EXOC6B: variants seen among roughly 807,000 people sequenced by gnomAD.
The protein encoded by EXOC6B is SEC15 homolog B.
EXOC6B carries 54 observed loss-of-function variants against 113.5 expected under a neutral mutation model. That is an observed-to-expected ratio of 0.48 (90% CI 0.38 to 0.60). The LOEUF (loss-of-function observed/expected upper bound fraction) is 0.60. EXOC6B is among the 20% of genes least tolerant of loss of function. The pLI, the probability that EXOC6B is intolerant of heterozygous loss-of-function variation, is 0.00. For missense variants in EXOC6B, 797 were observed against 977.5 expected, an observed-to-expected ratio of 0.82 and a Z score of 2.46; for synonymous variants, 357 against 339.0, an observed-to-expected ratio of 1.05 and a Z score of -0.58.
chr2:72,688,372 A>C (rs1281411587), intron 6 of EXOC6B, among the ~76,000 whole-genome samples: 4 of 152,224 alleles, frequency 2.6e-5, no homozygotes, highest in African/African-American at 9.6e-5. Flanking sequence ...ATATGTTATC[A>C]AGCAAGTTAG....
chr2:72,271,856 A>C (rs1470852908), intron 20 of EXOC6B, among the ~76,000 whole-genome samples: 1 of 152,062 alleles, frequency 6.6e-6, no homozygotes, highest in Non-Finnish European at 1.5e-5. Context: ...GGAAAAAAAA[A>C]ATGCTGAAAG....
At chr2:72,677,974 G>C (rs1248490585) in intron 6 of EXOC6B, among the ~76,000 whole-genome samples, 1 of 152,008 alleles carries the variant, frequency 6.6e-6, no homozygotes, top group Non-Finnish European at 1.5e-5. Context: ...TGACAATAGA[G>C]GATTGCTAGA....
At chr2:72,702,250 C>T (rs1239641546) in intron 6 of EXOC6B, among the ~76,000 whole-genome samples, 1 of 151,274 alleles carries the variant, frequency 6.6e-6, no homozygotes, top group East Asian at 1.9e-4. Context: ...AGGACATGAA[C>T]TCATCATTTT....
chr2:72,757,298 A>G (rs1024596381), intron 1 of EXOC6B, among the ~76,000 whole-genome samples: 2 of 152,234 alleles, frequency 1.3e-5, no homozygotes, highest in African/African-American at 4.8e-5. Flanking sequence ...ACTTATGTCA[A>G]AACTTTAACC....
chr2:72,417,517 T>C (rs908669523), intron 18 of EXOC6B, among the ~76,000 whole-genome samples: 3 of 152,226 alleles, frequency 2.0e-5, no homozygotes, highest in African/African-American at 7.2e-5. Context: ...GCCTCATTTT[T>C]CTACTGCTTA....
At chr2:72,423,679 G>C (rs1390441350) in intron 18 of EXOC6B, among the ~76,000 whole-genome samples, 1 of 152,030 alleles carries the variant, frequency 6.6e-6, no homozygotes, top group Non-Finnish European at 1.5e-5. Context: ...AACAATCTTT[G>C]TTTTGTCCTA....
intron 6 of EXOC6B, among the ~76,000 whole-genome samples, chr2:72,687,246 A>C (rs1437608690): frequency 5.3e-5 from 8 of 152,326 alleles, no homozygotes; most frequent in South Asian, 2.1e-4. Context: ...TAATTACTTG[A>C]AATATTTTTC....
intron 6 of EXOC6B, among the ~76,000 whole-genome samples, chr2:72,618,250 T>G (rs1255232642): frequency 6.6e-6 from 1 of 152,034 alleles, no homozygotes; most frequent in African/African-American, 2.4e-5. Context: ...ATGCCTGTAA[T>G]CTCAGCCACT....
chr2:72,579,456 TA>T (rs1307024486), intron 6 of EXOC6B, among the ~76,000 whole-genome samples: 9 of 152,060 alleles, frequency 5.9e-5, no homozygotes, highest in African/African-American at 2.2e-4. Flanking sequence ...AGGCAACAGG[TA>T]ACAAAAGGGA....
chr2:72,463,498 G>C (rs1366370505), intron 18 of EXOC6B: 2 of 151,956 alleles, frequency 1.3e-5, no homozygotes, highest in Non-Finnish European at 2.9e-5. Flanking sequence ...CGTAGACAAG[G>C]GCAACAGACT....
At chr2:72,288,388 A>G (rs1306757896) in intron 20 of EXOC6B, among the ~76,000 whole-genome samples, 1 of 152,166 alleles carries the variant, frequency 6.6e-6, no homozygotes, top group Non-Finnish European at 1.5e-5. Flanking sequence ...CAGCAGCACT[A>G]TTTGTAAAAA....
intron 20 of EXOC6B, among the ~76,000 whole-genome samples, chr2:72,282,811 A>T (rs567030304): frequency 6.6e-6 from 1 of 152,276 alleles, no homozygotes; most frequent in Non-Finnish European, 1.5e-5. Flanking sequence ...AAGAAGCATT[A>T]AAAAAGGAAT....
chr2:72,425,992 C>T (rs930630042), intron 18 of EXOC6B, among the ~76,000 whole-genome samples: 9 of 152,084 alleles, frequency 5.9e-5, no homozygotes, highest in African/African-American at 9.7e-5. Context: ...GTCTTTATTA[C>T]GTTTTCCTGG....
chr2:72,789,393 G>C (rs1684551818), intron 1 of EXOC6B, among the ~76,000 whole-genome samples: 1 of 152,126 alleles, frequency 6.6e-6, no homozygotes, highest in South Asian at 2.1e-4. Context: ...AAAAACTTTA[G>C]GAAAGAGACT....
intron 20 of EXOC6B, among the ~76,000 whole-genome samples, chr2:72,313,069 A>C (rs1207681635): frequency 1.3e-5 from 2 of 152,184 alleles, no homozygotes; most frequent in African/African-American, 4.8e-5. Flanking sequence ...GAGTGAAACC[A>C]TGTTAACCAT....
In EXOC6B at chr2:72,513,225, T is replaced by C. The variant is rs781488675; in HGVS notation, c.1074A>G (p.Leu358=). 6.2e-7 allele frequency: 1 copy of C among 1,612,960 alleles called. No homozygotes were observed. The highest frequency in any genetic ancestry group is 1.1e-5 in the South Asian group (1 of 90,902). The stretch of plus-strand genomic sequence containing the variant: ...TATTTACTAAGCCCTGGGTTGTATG[T>C]AAAATGTGATCTTCAACCACAAAAA... ...VGFFVVEDHI[L]HTTQGLVNRA... is the part of the protein sequence containing the mutation. The change falls in exon 11 of 22, where the codon TTA becomes TTG. Residue 358 remains leucine (L), a synonymous_variant. Transcript: ENST00000272427.
At chr2:72,510,085 C>T (rs1430043880) in intron 11 of EXOC6B, among the ~76,000 whole-genome samples, 6 of 152,086 alleles carry the variant, frequency 3.9e-5, no homozygotes, top group South Asian at 4.1e-4. Context: ...CTGCCCTCCT[C>T]GGCCTCCCAA....
At chr2:72,785,156 T>A (rs1391215130) in intron 1 of EXOC6B, among the ~76,000 whole-genome samples, 1 of 152,210 alleles carries the variant, frequency 6.6e-6, no homozygotes, top group African/African-American at 2.4e-5. Flanking sequence ...CACACTGATG[T>A]GAAAGGTAGG....
chr2:72,254,139 G>A (rs142097042), intron 20 of EXOC6B, among the ~76,000 whole-genome samples: 1,760 of 151,800 alleles, frequency 0.012, 14 homozygotes, highest in Middle Eastern at 0.031. Flanking sequence ...CAGGCTGGGC[G>A]ACAAAGCAAG....
Sources: allele counts gnomAD v4.1 joint callset (sites outside exome capture counted in the v4.1 genomes callset), GRCh38; gene constraint gnomAD v4.1.1; transcripts MANE v1.5; gene names NCBI Gene and HGNC (gene_info 2026-07-23, HGNC 2026-07-21).